EGR1: variants seen among roughly 807,000 people sequenced by gnomAD.
The protein encoded by EGR1 is early growth response protein 1.
Under a neutral mutation model 30.2 loss-of-function variants are expected in EGR1, and 8 were observed. That is an observed-to-expected ratio of 0.26 (90% CI 0.16 to 0.48). The LOEUF is 0.48. EGR1 is among the 20% of genes least tolerant of loss of function. The pLI is 0.99. For missense variants in EGR1, 568 were observed against 732.3 expected, an observed-to-expected ratio of 0.78 and a Z score of 2.59; for synonymous variants, 334 against 312.8, an observed-to-expected ratio of 1.07 and a Z score of -0.72.
chr5:138,465,810 T>G lies in EGR1; in HGVS notation c.49T>G (p.Ser17Ala). ...GCAGCTGATGTCCCCGCTGCAGATC[T>G]CTGACCCGTTCGGATCCTTTCCTCA... is the stretch of plus-strand genomic sequence containing the variant. ...EMQLMSPLQISDPFGSFPHSP... is the reference protein window; with the variant it reads ...EMQLMSPLQIADPFGSFPHSP... Residue 17 changes from serine to alanine, a missense_variant, in exon 1 of 2, where the codon TCT (serine) becomes GCT (alanine). By Grantham distance (99) the Ser-to-Ala change is moderately conservative. Transcript: ENST00000239938. 1 of 1,613,886 alleles carries G rather than the reference T, an allele frequency of 6.2e-7. No homozygotes were observed. Among genetic ancestry groups the G allele is most frequent in the Non-Finnish European group, 8.5e-7 (1 of 1,179,788 alleles).
In EGR1 at chr5:138,467,346, G is replaced by A. The variant is rs141735308; in HGVS notation, c.897G>A (p.Ser299=). Residue 299 remains serine (S), a synonymous_variant, in exon 2 of 2, where the codon TCG becomes TCA. Coordinates refer to ENST00000239938, the MANE Select transcript of EGR1 (RefSeq NM_001964.3). The surrounding 1 kb of genome is among the most constrained non-coding windows in gnomAD (Gnocchi z 8.3). ...LSTIKAFATQ[S]GSQDLKALNT... ...CTATTAAGGCCTTTGCCACTCAGTC[G>A]GGCTCCCAGGACCTGAAGGCCCTCA... 8.7e-5 allele frequency: 141 copies of A among 1,613,942 alleles called. No individual in the cohort carries two copies. Among genetic ancestry groups the A allele is most frequent in the Middle Eastern group, 1.6e-4 (1 of 6,084 alleles).
rs755562067 is a variant in EGR1, at chr5:138,466,935, G to A, written c.486G>A (p.Val162=). ...EPLFSLVSGL[V]SMTNPPASSS... The stretch of plus-strand genomic sequence containing the variant: ...TCTTCAGCTTGGTCAGTGGCCTAGT[G>A]AGCATGACCAACCCACCGGCCTCCT... Residue 162 remains valine (V), a synonymous_variant, in exon 2 of 2, where the codon GTG becomes GTA. Coordinates refer to ENST00000239938, the MANE Select transcript of EGR1 (RefSeq NM_001964.3). 1 of 1,613,966 alleles carries A rather than the reference G, an allele frequency of 6.2e-7. No individual in the cohort carries two copies. Among genetic ancestry groups the A allele is most frequent in the East Asian group, 2.2e-5 (1 of 44,860 alleles).
chr5:138,465,610 G>C lies in EGR1; in HGVS notation c.-152G>C. On this transcript the variant is annotated 5_prime_UTR_variant, in exon 1 of 2. Transcript: ENST00000239938. ...GCGCGTCCACGCCCGCCCGCGCCCA[G>C]GGCGAGTCGGGGTCGCCGCCTGCAC... The C allele has an allele frequency of 1.2e-6, 1 of 826,204 alleles. No homozygotes were observed. 51.2% of individuals were successfully genotyped at this position (826,204 alleles called of 1,614,324 possible).
chr5:138,466,242 CT>C (rs1217268979), intron 1 of EGR1, among the ~76,000 whole-genome samples, 174 bp downstream of exon 1: 1 of 152,264 alleles, frequency 6.6e-6, no homozygotes, highest in Non-Finnish European at 1.5e-5. Context: ...AGCCCACCCC[CT>C]GCCCTCATCC....
chr5:138,466,255 T>C (rs183005284), intron 1 of EGR1, among the ~76,000 whole-genome samples, 187 bp downstream of exon 1: 1 of 152,324 alleles, frequency 6.6e-6, no homozygotes, highest in Non-Finnish European at 1.5e-5. Context: ...CCCTCATCCC[T>C]AGCGGAGCGC....
At position 138,467,236 on chromosome 5, in the gene EGR1, G is replaced by T. The variant is rs759198636; in HGVS notation, c.787G>T (p.Asp263Tyr). The change falls in exon 2 of 2, where the codon GAT becomes TAT. Residue 263 changes from aspartate (D) to tyrosine (Y), a missense_variant. Asp to Tyr is a radical substitution (Grantham distance 160). Coordinates refer to ENST00000239938, the MANE Select transcript of EGR1 (RefSeq NM_001964.3). This position sits in a 1 kb window ranked among gnomAD's most constrained non-coding sequence, Gnocchi z 8.3. ...PDYLFPQQQG[D>Y]LGLGTPDQKP... ...CTACCTGTTTCCACAGCAGCAGGGG[G>T]ATCTGGGCCTGGGCACCCCAGACCA... is the stretch of plus-strand genomic sequence containing the variant. The T allele has an allele frequency of 6.2e-7, 1 of 1,613,526 alleles. No individual in the cohort carries two copies. The highest frequency in any genetic ancestry group is 2.2e-5 in the East Asian group (1 of 44,882).
chr5:138,466,105 C>T (rs1764155319), intron 1 of EGR1, 37 bp downstream of exon 1: 2 of 1,513,572 alleles, frequency 1.3e-6, no homozygotes, highest in Admixed American at 2.2e-5. Context: ...AACCCTTTCG[C>T]CACCATCCTG....
At position 138,465,748 on chromosome 5, in the gene EGR1, C is replaced by A; in HGVS notation, c.-14C>A. 6.3e-7 allele frequency: 1 copy of A among 1,577,886 alleles called. No homozygotes were observed. Among genetic ancestry groups the A allele is most frequent in the Non-Finnish European group, 8.6e-7 (1 of 1,159,102 alleles). On this transcript the variant is annotated 5_prime_UTR_variant, in exon 1 of 2. Transcript: ENST00000239938. ...CCCCGCCCCGACACCAGCTCTCCAG[C>A]CTGCTCGTCCAGGATGGCCGCGGCC...
chr5:138,468,088 A>G lies in EGR1; in HGVS notation c.*7A>G. On this transcript the variant is annotated 3_prime_UTR_variant, in exon 2 of 2. Transcript: ENST00000239938. ...GACAATTGAAATTTGCTAAAGGGAA[A>G]GGGGAAAGAAAGGGAAAAGGGAGAA... 6.4e-7 allele frequency: 1 copy of G among 1,553,876 alleles called. No homozygotes were observed. Among genetic ancestry groups the G allele is most frequent in the Non-Finnish European group, 8.7e-7 (1 of 1,151,362 alleles).
Position 138,468,241 on chromosome 5 carries a change from C to T in EGR1, c.*160C>T. ...TCTACTGGAGTGGAAGGTCTATTGG[C>T]CAACAATCCTTTCTGCCCACTTCCC... On this transcript the variant is annotated 3_prime_UTR_variant, in exon 2 of 2. Coordinates refer to ENST00000239938, the MANE Select transcript of EGR1 (RefSeq NM_001964.3). 1 of 1,464,254 alleles carries T rather than the reference C, an allele frequency of 6.8e-7. No homozygotes were observed. The highest frequency in any genetic ancestry group is 9.2e-7 in the Non-Finnish European group (1 of 1,083,316). The allele number at this position is 1,464,254 out of a possible 1,614,324, so 90.7% of individuals were successfully genotyped here.
At position 138,467,684 on chromosome 5, in the gene EGR1, A is replaced by G; in HGVS notation, c.1235A>G (p.Lys412Arg). 6.2e-7 allele frequency: 1 copy of G among 1,614,204 alleles called. No homozygotes were observed. Among genetic ancestry groups the G allele is most frequent in the Non-Finnish European group, 8.5e-7 (1 of 1,180,034 alleles). The change falls in exon 2 of 2, where the codon AAG becomes AGG. Residue 412 changes from lysine (K) to arginine (R), a missense_variant. Lys to Arg is a conservative substitution (Grantham distance 26, BLOSUM62 2). Around this residue, in one of 4 missense-constraint regions of EGR1, gnomAD observed 17 missense variants for 97.8 expected, o/e 0.17. Transcript: ENST00000239938. The surrounding 1 kb of genome is among the most constrained non-coding windows in gnomAD (Gnocchi z 8.3). ...GRKFARSDER[K>R]RHTKIHLRQK... ...AAGTTTGCCAGGAGCGATGAACGCA[A>G]GAGGCATACCAAGATCCACTTGCGG...
In EGR1 at chr5:138,467,622, A is replaced by G; in HGVS notation, c.1173A>G (p.Thr391=). 1 of 1,614,090 alleles carries G rather than the reference A, an allele frequency of 6.2e-7. No individual in the cohort carries two copies. The highest frequency in any genetic ancestry group is 1.3e-5 in the African/African-American group (1 of 75,050). The change falls in exon 2 of 2, where the codon ACA becomes ACG. Residue 391 remains threonine (T), a synonymous_variant. Coordinates refer to ENST00000239938, the MANE Select transcript of EGR1 (RefSeq NM_001964.3). The surrounding 1 kb of genome is among the most constrained non-coding windows in gnomAD (Gnocchi z 8.3). Reference sequence around the variant, plus strand: ...TCACCACCCACATCCGCACCCACACAGGCGAAAAGCCCTTCGCCTGCGACA... The same window carrying G: ...TCACCACCCACATCCGCACCCACACGGGCGAAAAGCCCTTCGCCTGCGACA... The part of the protein sequence containing the change: ...DHLTTHIRTH[T]GEKPFACDIC...
Position 138,467,539 on chromosome 5 carries a change from G to C in EGR1, c.1090G>C (p.Gly364Arg). The change falls in exon 2 of 2, where the codon GGC (glycine) becomes CGC (arginine). Residue 364 changes from glycine (G) to arginine (R), a missense_variant. Gly to Arg is a moderately radical substitution (Grantham distance 125). Around this residue, in one of 4 missense-constraint regions of EGR1, gnomAD observed 17 missense variants for 97.8 expected, o/e 0.17. Coordinates refer to ENST00000239938, the MANE Select transcript of EGR1 (RefSeq NM_001964.3). This position sits in a 1 kb window ranked among gnomAD's most constrained non-coding sequence, Gnocchi z 8.3. The part of the protein sequence containing the change: ...ELTRHIRIHT[G>R]QKPFQCRICM... ...CACCCGCCACATCCGCATCCACACA[G>C]GCCAGAAGCCCTTCCAGTGCCGCAT... The C allele has an allele frequency of 6.2e-7, 1 of 1,613,790 alleles. No individual in the cohort carries two copies. The highest frequency in any genetic ancestry group is 8.5e-7 in the Non-Finnish European group (1 of 1,180,030).
chr5:138,465,804 C>G lies in EGR1; in HGVS notation c.43C>G (p.Gln15Glu), dbSNP rs550077220. The G allele has an allele frequency of 1.2e-6, 2 of 1,613,206 alleles. No individual in the cohort carries two copies. The highest frequency in any genetic ancestry group is 1.3e-5 in the African/African-American group (1 of 75,020). The change falls in exon 1 of 2, where the codon CAG becomes GAG. Residue 15 changes from glutamine (Q) to glutamate (E), a missense_variant. Around this residue, in one of 4 missense-constraint regions of EGR1, gnomAD observed 415 missense variants for 445.2 expected, o/e 0.93. Coordinates refer to ENST00000239938, the MANE Select transcript of EGR1 (RefSeq NM_001964.3). ...CGAGATGCAGCTGATGTCCCCGCTG[C>G]AGATCTCTGACCCGTTCGGATCCTT... Reference protein sequence around the residue: ...KAEMQLMSPLQISDPFGSFPH... With the variant: ...KAEMQLMSPLEISDPFGSFPH...
rs762983434 is a variant in EGR1, at chr5:138,467,802, GTCCCCGGTTACTACCTCTTATCCA to G, written c.1361_1384del (p.Val454_Pro461del). 1.2e-5 allele frequency: 19 copies of G among 1,612,538 alleles called. No individual in the cohort carries two copies. Among genetic ancestry groups the G allele is most frequent in the South Asian group, 7.7e-5 (7 of 91,042 alleles). ...CGTCCCCGGTTGCTACCTCTTACCC[GTCCCCGGTTACTACCTCTTATCCA>G]TCCCCGGCCACCACCTCATACCCAT... On this transcript the variant is annotated inframe_deletion, in exon 2 of 2. Coordinates refer to ENST00000239938, the MANE Select transcript of EGR1 (RefSeq NM_001964.3). The surrounding 1 kb of genome is among the most constrained non-coding windows in gnomAD (Gnocchi z 8.3).
Position 138,466,985 on chromosome 5 carries a change from C to T in EGR1, c.536C>T (p.Ala179Val), listed in dbSNP as rs1289081010. Residue 179 changes from alanine (A) to valine (V), a missense_variant, in exon 2 of 2, where the codon GCC (alanine) becomes GTC (valine). Transcript: ENST00000239938. ...TCGTCCTCAGCACCATCTCCAGCGGCCTCCTCCGCCTCCGCCTCCCAGAGC... is the reference window on the plus strand; with the variant it reads ...TCGTCCTCAGCACCATCTCCAGCGGTCTCCTCCGCCTCCGCCTCCCAGAGC... The part of the protein sequence containing the change: ...ASSSSAPSPA[A>V]SSASASQSPP... The T allele has an allele frequency of 6.2e-7, 1 of 1,613,994 alleles. No individual in the cohort carries two copies. The highest frequency in any genetic ancestry group is 8.5e-7 in the Non-Finnish European group (1 of 1,180,008).
Position 138,467,114 on chromosome 5 carries a change from G to T in EGR1, c.665G>T (p.Ser222Ile). 5 of 1,613,762 alleles carry T rather than the reference G, an allele frequency of 3.1e-6. No individual in the cohort carries two copies. The highest frequency in any genetic ancestry group is 4.2e-6 in the Non-Finnish European group (5 of 1,180,014). ...PNTDIFPEPQSQAFPGSAGTA... is the reference protein window; with the variant it reads ...PNTDIFPEPQIQAFPGSAGTA... ...ACTGACATTTTCCCTGAGCCACAAAGCCAGGCCTTCCCGGGCTCGGCAGGG... is the reference window on the plus strand; with the variant it reads ...ACTGACATTTTCCCTGAGCCACAAATCCAGGCCTTCCCGGGCTCGGCAGGG... Residue 222 changes from serine to isoleucine, a missense_variant, in exon 2 of 2, where the codon AGC becomes ATC. Around this residue, in one of 4 missense-constraint regions of EGR1, gnomAD observed 415 missense variants for 445.2 expected, o/e 0.93. Coordinates refer to ENST00000239938, the MANE Select transcript of EGR1 (RefSeq NM_001964.3). This position sits in a 1 kb window ranked among gnomAD's most constrained non-coding sequence, Gnocchi z 8.3.
rs200832114 is a variant in EGR1 at position 138,467,222 on chromosome 5, C to T, written c.773C>T (p.Pro258Leu). The change falls in exon 2 of 2, where the codon CCA becomes CTA. Residue 258 changes from proline to leucine, a missense_variant. By Grantham distance (98) the Pro-to-Leu change is moderately conservative. This residue lies in a region of EGR1 where 415 missense variants were observed against 445.2 expected (regional missense o/e 0.93). Transcript: ENST00000239938. The surrounding 1 kb of genome is among the most constrained non-coding windows in gnomAD (Gnocchi z 8.3). ...CCCATGATCCCCGACTACCTGTTTC[C>T]ACAGCAGCAGGGGGATCTGGGCCTG... The part of the protein sequence containing the change: ...QVPMIPDYLF[P>L]QQQGDLGLGT... The T allele has an allele frequency of 3.2e-5, 52 of 1,613,316 alleles. No homozygotes were observed. Among genetic ancestry groups the T allele is most frequent in the Non-Finnish European group, 4.2e-5 (50 of 1,180,032 alleles).
In EGR1 at chr5:138,468,232, G is replaced by A; in HGVS notation, c.*151G>A. On this transcript the variant is annotated 3_prime_UTR_variant, in exon 2 of 2. Transcript: ENST00000239938. ...TCCTCCCTCTCTACTGGAGTGGAAG[G>A]TCTATTGGCCAACAATCCTTTCTGC... The A allele has an allele frequency of 6.7e-7, 1 of 1,490,668 alleles. No individual in the cohort carries two copies. The highest frequency in any genetic ancestry group is 9.0e-7 in the Non-Finnish European group (1 of 1,107,020). 92.3% of individuals were successfully genotyped at this position (1,490,668 alleles called of 1,614,324 possible). A position where few individuals can be genotyped will look rare whatever the true frequency, so the allele number is the denominator to read the frequency against.
Sources: gnomAD v4.1 joint callset for allele counts (sites outside exome capture counted in the v4.1 genomes callset) on GRCh38, gnomAD v4.1.1 for gene constraint, gnomAD v4.1.1 regional missense constraint, Gnocchi (gnomAD v3.1) non-coding constraint, MANE v1.5 for transcripts, NCBI Gene and HGNC (gene_info 2026-07-23, HGNC 2026-07-21) for gene names.